The following AOAH variants were observed in gnomAD, a reference collection of about 807,000 sequenced individuals.
AOAH encodes the protein acyloxyacyl hydrolase.
In AOAH, 64 loss-of-function variants were observed where a neutral mutation model predicts 92.2. The observed-to-expected ratio is 0.69, with a 90% CI of 0.57 to 0.86. The LOEUF (loss-of-function observed/expected upper bound fraction) is 0.86, where lower values mean the gene tolerates loss of function less well. AOAH is among the 40% of genes least tolerant of loss of function. AOAH has a pLI of 0.00. For missense variants in AOAH, 656 were observed against 694.6 expected (o/e 0.94, Z 0.62); for synonymous variants, 263 against 254.5 (o/e 1.03, Z -0.32).
intron 20 of AOAH, among the ~76,000 whole-genome samples, chr7:36,515,346 T>TCA (rs1783562146): frequency 2.9e-5 from 1 of 33,948 alleles, no homozygotes; most frequent in African/African-American, 1.2e-4. Flanking sequence ...ACACACATAA[T>TCA]CACACACCCC....
chr7:36,716,790 A>G (rs1293066276), intron 1 of AOAH, among the ~76,000 whole-genome samples: 1 of 151,498 alleles, frequency 6.6e-6, no homozygotes, highest in African/African-American at 2.4e-5. Flanking sequence ...ACATGGACAC[A>G]GGAAGGGGAA....
chr7:36,576,609 C>T lies in AOAH; in HGVS notation c.986G>A (p.Cys329Tyr), dbSNP rs1177439206. The change falls in exon 13 of 21, where the codon TGT becomes TAT. Residue 329 changes from cysteine to tyrosine, a missense_variant. Cys to Tyr is a radical substitution (Grantham distance 194). Transcript: ENST00000617537. The part of the protein sequence containing the change: ...IYLRLWKRNH[C>Y]NHRDYQNISR... ...AATATTCTGGTAGTCCCTGTGATTA[C>T]AGTGGTTTCTTTTCCATAAGCGAAG... The T allele has an allele frequency of 2.5e-6, 4 of 1,583,330 alleles. No homozygotes were observed. The highest frequency in any genetic ancestry group is 3.4e-6 in the Non-Finnish European group (4 of 1,160,360).
intron 3 of AOAH, among the ~76,000 whole-genome samples, chr7:36,667,544 G>A (rs1016635268): frequency 4.6e-5 from 7 of 152,158 alleles, no homozygotes; most frequent in African/African-American, 1.7e-4. Flanking sequence ...ATGGTTTCAG[G>A]CATCCACTGG....
chr7:36,621,097 T>A (rs918239944), intron 8 of AOAH, among the ~76,000 whole-genome samples: 2 of 152,226 alleles, frequency 1.3e-5, no homozygotes, highest in African/African-American at 4.8e-5. Context: ...ACTATATTCA[T>A]GGACCGCATT....
intron 1 of AOAH, chr7:36,690,095 A>G: frequency 2.3e-6 from 1 of 432,970 alleles, no homozygotes; most frequent in Non-Finnish European, 4.6e-6. Flanking sequence ...CTTTGTACTT[A>G]CACATATGGG....
At chr7:36,651,816 T>C (rs1184840957) in intron 4 of AOAH, among the ~76,000 whole-genome samples, 2 of 152,176 alleles carry the variant, frequency 1.3e-5, no homozygotes, top group Non-Finnish European at 2.9e-5. Flanking sequence ...ATTTTACCTA[T>C]AAAATAGAGT....
chr7:36,554,199 T>C (rs1786506580), intron 13 of AOAH, among the ~76,000 whole-genome samples: 1 of 152,262 alleles, frequency 6.6e-6, no homozygotes, highest in African/African-American at 2.4e-5. Context: ...GCTTTCTGCA[T>C]ATGGCTAGCC....
chr7:36,699,637 G>GTTTTTTTTT (rs377319409), intron 1 of AOAH, among the ~76,000 whole-genome samples: 2 of 134,532 alleles, frequency 1.5e-5, no homozygotes, highest in Non-Finnish European at 1.6e-5. Flanking sequence ...TGGATTATTT[G>GTTTTTTTTT]TTTTTTTTTT....
intron 15 of AOAH, among the ~76,000 whole-genome samples, chr7:36,541,486 T>C (rs563960590): frequency 2.0e-5 from 3 of 150,342 alleles, no homozygotes; most frequent in African/African-American, 7.3e-5. Context: ...TTGACTTATA[T>C]TCATTTGGTT....
At chr7:36,678,527 A>G (rs920330996) in intron 2 of AOAH, among the ~76,000 whole-genome samples, 6 of 147,016 alleles carry the variant, frequency 4.1e-5, no homozygotes, top group Non-Finnish European at 6.0e-5. Flanking sequence ...GAGAAAATTC[A>G]TCTTCTTTCT....
intron 4 of AOAH, among the ~76,000 whole-genome samples, chr7:36,645,111 G>A (rs1328676383): frequency 6.6e-6 from 1 of 152,154 alleles, no homozygotes; most frequent in East Asian, 1.9e-4. Flanking sequence ...ACAGCATGAG[G>A]CAGTGTCTGT....
At chr7:36,576,243 C>T (rs982254138) in intron 13 of AOAH, among the ~76,000 whole-genome samples, 1 of 152,222 alleles carries the variant, frequency 6.6e-6, no homozygotes, top group Non-Finnish European at 1.5e-5. Context: ...CTTAATTTTT[C>T]TCAGCTCTTG....
chr7:36,552,099 T>C (rs1014108801), intron 13 of AOAH, among the ~76,000 whole-genome samples: 3 of 152,232 alleles, frequency 2.0e-5, no homozygotes, highest in East Asian at 3.9e-4. Flanking sequence ...GTTACATAGG[T>C]AAATATGTGC....
intron 1 of AOAH, among the ~76,000 whole-genome samples, chr7:36,704,655 C>T (rs927325671): frequency 6.6e-6 from 1 of 152,152 alleles, no homozygotes; most frequent in Non-Finnish European, 1.5e-5. Flanking sequence ...AGGCCAGCAT[C>T]ATCCTGATAC....
chr7:36,661,608 A>G (rs1241479829), intron 3 of AOAH, among the ~76,000 whole-genome samples: 1 of 152,182 alleles, frequency 6.6e-6, no homozygotes, highest in African/African-American at 2.4e-5. Context: ...AATCACTGCA[A>G]TGACTAACAC....
intron 5 of AOAH, among the ~76,000 whole-genome samples, chr7:36,637,584 C>T (rs1793606563): frequency 6.6e-6 from 1 of 152,038 alleles, no homozygotes; most frequent in East Asian, 1.9e-4. Context: ...TGCTGCTGAA[C>T]ACCCTACAAA....
At chr7:36,706,882 G>GGATTAGGC (rs1221233391) in intron 1 of AOAH, among the ~76,000 whole-genome samples, 2 of 152,104 alleles carry the variant, frequency 1.3e-5, no homozygotes, top group East Asian at 3.8e-4. Context: ...AAGAGAGCTA[G>GGATTAGGC]GATTAGGCTT....
At chr7:36,628,460 CTCATTTAT>C (rs1792830511) in intron 6 of AOAH, among the ~76,000 whole-genome samples, 2 of 152,120 alleles carry the variant, frequency 1.3e-5, no homozygotes, top group South Asian at 4.1e-4. Context: ...CATGTGTTCC[CTCATTTAT>C]TCATTGAGCT....
At chr7:36,655,890 T>C (rs1794853636) in intron 4 of AOAH, among the ~76,000 whole-genome samples, 1 of 152,032 alleles carries the variant, frequency 6.6e-6, no homozygotes, top group African/African-American at 2.4e-5. Flanking sequence ...TCTTGTAAAG[T>C]GGCAAGTTCA....
Sources: allele counts gnomAD v4.1 joint callset (sites outside exome capture counted in the v4.1 genomes callset), GRCh38; gene constraint gnomAD v4.1.1; transcripts MANE v1.5; gene names NCBI Gene and HGNC (gene_info 2026-07-23, HGNC 2026-07-21).